Variants in ABCA1 observed in about 807,000 individuals in gnomAD.
The protein encoded by ABCA1 is phospholipid-transporting ATPase ABCA1.
Under a neutral mutation model 262.5 loss-of-function variants are expected in ABCA1, and 133 were observed. The observed-to-expected ratio is 0.51, with a 90% CI of 0.44 to 0.59. The LOEUF is 0.59. ABCA1 is among the 20% of genes least tolerant of loss of function. The probability of loss-of-function intolerance (pLI) is 0.00; values close to 1 mark genes in which losing one functional copy is unlikely to be tolerated. For synonymous variants in ABCA1, 1,022 were observed against 1,043.5 expected (o/e 0.98, Z 0.40); for missense variants, 2,452 against 2,777.5 (o/e 0.88, Z 2.63).
chr9:104,788,098 T>C (rs541735007), intron 45 of ABCA1, 44 bp from the exon 46 acceptor site: 1 of 1,589,302 alleles, frequency 6.3e-7, no homozygotes, highest in Non-Finnish European at 8.6e-7. Context: ...GGCTTGGGAA[T>C]TTTATCATGC....
intron 14 of ABCA1, among the ~76,000 whole-genome samples, chr9:104,829,396 G>A (rs568536057): frequency 2.8e-4 from 42 of 152,130 alleles, no homozygotes; most frequent in African/African-American, 9.6e-4. Context: ...AACTGTGAGC[G>A]ATACTTAAAC....
chr9:104,878,671 C>T (rs1431402316), intron 5 of ABCA1, among the ~76,000 whole-genome samples: 1 of 152,000 alleles, frequency 6.6e-6, no homozygotes, highest in Non-Finnish European at 1.5e-5. Context: ...AACAGTGATT[C>T]GCATATAGGA....
intron 7 of ABCA1, among the ~76,000 whole-genome samples, chr9:104,858,066 T>C (rs181410456): frequency 1.6e-4 from 25 of 152,286 alleles, no homozygotes; most frequent in African/African-American, 6.0e-4. Context: ...CTAAATAGTG[T>C]GGTCTCATCT....
At chr9:104,825,359 G>A (rs1564137182) in intron 17 of ABCA1, among the ~76,000 whole-genome samples, 1 of 152,188 alleles carries the variant, frequency 6.6e-6, no homozygotes, top group African/African-American at 2.4e-5. Flanking sequence ...GTTACTTAAC[G>A]TCTTTGAGTC....
chr9:104,840,072 T>C (rs1487948316), intron 9 of ABCA1, among the ~76,000 whole-genome samples: 1 of 152,210 alleles, frequency 6.6e-6, no homozygotes, highest in Non-Finnish European at 1.5e-5. Flanking sequence ...ACTGTGCACC[T>C]GAGATGTGCC....
chr9:104,914,484 G>C (rs1409984675), intron 1 of ABCA1, among the ~76,000 whole-genome samples: 3 of 148,452 alleles, frequency 2.0e-5, no homozygotes, highest in African/African-American at 7.5e-5. Context: ...TGGACAACAA[G>C]AGTGAAACTC....
In ABCA1 at chr9:104,831,723, G is replaced by A. The variant is rs774350477; in HGVS notation, c.1614C>T (p.Phe538=). Residue 538 remains phenylalanine (F), a synonymous_variant, in exon 13 of 50, where the codon TTC becomes TTT. Transcript: ENST00000374736. ...CAATGCTGCCTGGAGTAATTCCAGT[G>A]AACACAATACCAGCCCAGAACTTCC... ...DERKFWAGIV[F]TGITPGSIEL... is the part of the protein sequence containing the mutation. 8 of 1,614,196 alleles carry A rather than the reference G, an allele frequency of 5.0e-6. No individual in the cohort carries two copies. In the South Asian group the frequency reaches 8.8e-5, roughly 18 times the overall value.
chr9:104,786,593 G>T (rs1429622132), intron 47 of ABCA1, among the ~76,000 whole-genome samples: 1 of 152,148 alleles, frequency 6.6e-6, no homozygotes, highest in East Asian at 1.9e-4. Context: ...ACAAAAGGGG[G>T]AATAGTTAAA....
intron 5 of ABCA1, among the ~76,000 whole-genome samples, chr9:104,862,921 T>C (rs1186657678): frequency 6.6e-6 from 1 of 150,858 alleles, no homozygotes. Flanking sequence ...ACATAAAACA[T>C]GTGATACAAA....
At chr9:104,852,767 A>C (rs1349520140) in intron 7 of ABCA1, among the ~76,000 whole-genome samples, 2 of 152,248 alleles carry the variant, frequency 1.3e-5, no homozygotes, top group Non-Finnish European at 2.9e-5. Flanking sequence ...ACAGGTGGGC[A>C]GTCAAATCAC....
chr9:104,890,051 T>A (rs563071186), intron 2 of ABCA1, among the ~76,000 whole-genome samples: 1 of 152,250 alleles, frequency 6.6e-6, no homozygotes, highest in East Asian at 1.9e-4. Context: ...CTAGACACAA[T>A]ATAATTGAGC....
chr9:104,828,153 G>A (rs1229955095), intron 15 of ABCA1, among the ~76,000 whole-genome samples: 1 of 152,220 alleles, frequency 6.6e-6, no homozygotes, highest in Non-Finnish European at 1.5e-5. Flanking sequence ...TTGTTGCCCA[G>A]CTGTCAGTAG....
chr9:104,916,763 T>G (rs1365715850), intron 1 of ABCA1, among the ~76,000 whole-genome samples: 1 of 152,212 alleles, frequency 6.6e-6, no homozygotes. Flanking sequence ...CACTGCAACT[T>G]CAGCCTCCTG....
In ABCA1 at chr9:104,903,878, GC is replaced by G; in HGVS notation, c.-92-108del. 5 of 620,902 alleles carry G rather than the reference GC, an allele frequency of 8.1e-6. No homozygotes were observed. The Admixed American group carries it at 1.0e-4, about 13-fold the overall frequency. 38.5% of individuals were successfully genotyped at this position (620,902 alleles called of 1,614,324 possible). On this transcript the variant is annotated intron_variant, in intron 1 of 49. Transcript: ENST00000374736. ...TCTCAGCTGAGACCTCCAACACACA[GC>G]TCTGCATCATGACTGCTTCTCAATG...
intron 2 of ABCA1, among the ~76,000 whole-genome samples, chr9:104,901,742 A>T (rs1221297648): frequency 1.3e-5 from 2 of 152,244 alleles, no homozygotes; most frequent in African/African-American, 4.8e-5. Flanking sequence ...CTCCAAAGTC[A>T]GATTATCTGG....
At position 104,803,342 on chromosome 9, in the gene ABCA1, C is replaced by T. The variant is rs371615451; in HGVS notation, c.4560-26G>A. On this transcript the variant is annotated intron_variant, in intron 32 of 49. Coordinates refer to ENST00000374736, the MANE Select transcript of ABCA1 (RefSeq NM_005502.4). ...CTGCAGAGACAAAGAAACAAAAAAT[C>T]AGTTCAAAGAAAGCACTGAGCCTAT... 4.8e-4 allele frequency: 780 copies of T among 1,613,090 alleles called. 3 individuals carry two copies. Among genetic ancestry groups the T allele is most frequent in the South Asian group, 2.9e-3 (268 of 91,010 alleles).
intron 23 of ABCA1, 84 bp downstream of exon 23, chr9:104,818,579 G>T: frequency 7.8e-7 from 1 of 1,287,520 alleles, no homozygotes; most frequent in Non-Finnish European, 1.1e-6. Context: ...TGGCAAAAGG[G>T]GTGGAGATGG....
intron 1 of ABCA1, among the ~76,000 whole-genome samples, chr9:104,909,940 G>A (rs1485804488): frequency 6.6e-6 from 1 of 152,176 alleles, no homozygotes; most frequent in Non-Finnish European, 1.5e-5. Flanking sequence ...ATCTGTCTAT[G>A]GAAACACAGT....
In ABCA1 at chr9:104,817,277, G is replaced by T; in HGVS notation, c.3535+55C>A. ...ACCTCTCCTCCTCTGCCTCCACTCTGCCCAGCTGGGGGAAGCTCAGGCACC... is the reference window on the plus strand; with the variant it reads ...ACCTCTCCTCCTCTGCCTCCACTCTTCCCAGCTGGGGGAAGCTCAGGCACC... On this transcript the variant is annotated intron_variant, in intron 24 of 49. Transcript: ENST00000374736. The surrounding 1 kb of genome is among the most constrained non-coding windows in gnomAD (Gnocchi z 4.7). The T allele has an allele frequency of 1.2e-6, 2 of 1,613,636 alleles. No homozygotes were observed. Among genetic ancestry groups the T allele is most frequent in the Non-Finnish European group, 1.7e-6 (2 of 1,179,858 alleles).
Sources: gnomAD v4.1 joint callset for allele counts (sites outside exome capture counted in the v4.1 genomes callset) on GRCh38, gnomAD v4.1.1 for gene constraint, Gnocchi (gnomAD v3.1) non-coding constraint, MANE v1.5 for transcripts, NCBI Gene and HGNC (gene_info 2026-07-23, HGNC 2026-07-21) for gene names.